The following DNM1L variants were observed in gnomAD, a reference collection of about 807,000 sequenced individuals.
The protein encoded by DNM1L is dynamin 1L, also known as dynamin-1-like protein.
DNM1L carries 33 observed loss-of-function variants against 92.8 expected under a neutral mutation model. The observed-to-expected ratio is 0.36, with a 90% CI of 0.27 to 0.48. The LOEUF is 0.48. DNM1L is among the 20% of genes least tolerant of loss of function. The pLI is 0.99. For synonymous variants in DNM1L, 284 were observed against 305.0 expected, an observed-to-expected ratio of 0.93 and a Z score of 0.72; for missense variants, 485 against 888.8, an observed-to-expected ratio of 0.55 and a Z score of 5.78.
rs78089229 is a variant in DNM1L at position 32,683,406 on chromosome 12, C to T, written c.102+3941C>T. Among the ~76,000 whole-genome samples the T allele has an allele frequency of 4.6e-3, 689 of 150,784 alleles. 2 individuals are homozygous for T. Among genetic ancestry groups the T allele is most frequent in the Non-Finnish European group, 7.6e-3 (512 of 67,788 alleles). On this transcript the variant is annotated intron_variant, in intron 1 of 19. Transcript: ENST00000549701. ...TAATTTTTTTTTTTAAATTTAAAAT[C>T]GCTGCCTTACTATGTTGCCAAGGCT...
At chr12:32,691,240 C>G (rs78348093) in intron 1 of DNM1L, among the ~76,000 whole-genome samples, 3 of 151,964 alleles carry the variant, frequency 2.0e-5, no homozygotes, top group Non-Finnish European at 4.4e-5. Context: ...CCCAGCACCC[C>G]AGTAGCCTTG....
rs1955499906 is a variant in DNM1L at position 32,744,140 on chromosome 12, C to G, written c.*730C>G. ...TCCTACATTAAAAACAGCCATCTACCCTTGATTATCTAGAAAGACTTGGTA... is the reference window on the plus strand; with the variant it reads ...TCCTACATTAAAAACAGCCATCTACGCTTGATTATCTAGAAAGACTTGGTA... On this transcript the variant is annotated 3_prime_UTR_variant, in exon 20 of 20. Transcript: ENST00000549701. The G allele has an allele frequency of 6.6e-6, 1 of 152,210 alleles. No homozygotes were observed. Among genetic ancestry groups the G allele is most frequent in the Admixed American group, 6.5e-5 (1 of 15,282 alleles). The allele number at this position is 152,210 out of a possible 1,614,324, so 9.4% of individuals were successfully genotyped here.
In DNM1L at chr12:32,731,783, G is replaced by A; in HGVS notation, c.1357-71G>A. 3 of 1,301,060 alleles carry A rather than the reference G, an allele frequency of 2.3e-6. 1 individual carries two copies. The highest frequency in any genetic ancestry group is 2.4e-5 in the South Asian group (2 of 83,144). 80.6% of individuals were successfully genotyped at this position (1,301,060 alleles called of 1,614,324 possible). Reference sequence around the variant, plus strand: ...ACTTGGGAGGCTAAGGTGGGAGGATGGCTTAGTGAGACTATGACTTAAAAA... The same window carrying A: ...ACTTGGGAGGCTAAGGTGGGAGGATAGCTTAGTGAGACTATGACTTAAAAA... On this transcript the variant is annotated intron_variant, in intron 11 of 19. Transcript: ENST00000549701. The surrounding 1 kb of genome is among the most constrained non-coding windows in gnomAD (Gnocchi z 5.1).
rs1393985351 is a variant in DNM1L at position 32,703,262 on chromosome 12, C to T, written c.250+1700C>T. Among the ~76,000 whole-genome samples, 7 of 152,084 alleles carry T rather than the reference C, an allele frequency of 4.6e-5. No individual in the cohort carries two copies. The East Asian group carries it at 1.2e-3, about 25-fold the overall frequency. On this transcript the variant is annotated intron_variant, in intron 2 of 19. Coordinates refer to ENST00000549701, the MANE Select transcript of DNM1L (RefSeq NM_012062.5). Reference sequence around the variant, plus strand: ...TGTCCACTATGTTTTGTTGATGTCTCCTCTTAGTGGTTGGTCAGTAAATCT... The same window carrying T: ...TGTCCACTATGTTTTGTTGATGTCTTCTCTTAGTGGTTGGTCAGTAAATCT...
intron 1 of DNM1L, among the ~76,000 whole-genome samples, chr12:32,686,654 C>T (rs1952024632): frequency 6.6e-6 from 1 of 152,096 alleles, no homozygotes; most frequent in Non-Finnish European, 1.5e-5. Context: ...TGGTATATAC[C>T]TAGGAGTAAA....
chr12:32,736,181 C>T lies in DNM1L; in HGVS notation c.1540-924C>T, dbSNP rs1257241022. Among the ~76,000 whole-genome samples, 4 of 150,622 alleles carry T rather than the reference C, an allele frequency of 2.7e-5. No individual in the cohort carries two copies. In the East Asian group the frequency reaches 8.0e-4, roughly 30 times the overall value. On this transcript the variant is annotated intron_variant, in intron 13 of 19. Coordinates refer to ENST00000549701, the MANE Select transcript of DNM1L (RefSeq NM_012062.5). Reference sequence around the variant, plus strand: ...CTGCCTCCTGGGTTCAAGCAGTTCTCCTGCCGCAGCCTCCTGAGTAGCTGG... The same window carrying T: ...CTGCCTCCTGGGTTCAAGCAGTTCTTCTGCCGCAGCCTCCTGAGTAGCTGG...
chr12:32,733,895 T>C, intron 13 of DNM1L, 88 bp downstream of exon 13: 1 of 1,149,074 alleles, frequency 8.7e-7, no homozygotes, highest in Admixed American at 1.7e-5. Flanking sequence ...GGAGTAACTA[T>C]AAAATAGACA....
chr12:32,711,840 A>G (rs1484142908), intron 5 of DNM1L, among the ~76,000 whole-genome samples: 1 of 152,148 alleles, frequency 6.6e-6, no homozygotes, highest in Admixed American at 6.5e-5. Context: ...CTATGATTGC[A>G]TCACTGCACT....
chr12:32,714,335 C>T (rs936567869), intron 6 of DNM1L, among the ~76,000 whole-genome samples: 28 of 147,154 alleles, frequency 1.9e-4, no homozygotes, highest in South Asian at 4.4e-4. Context: ...TGCAGTGGCG[C>T]GATCTCGGTT....
Position 32,744,520 on chromosome 12 carries a change from C to T in DNM1L, c.*1110C>T, listed in dbSNP as rs577187781. Reference sequence around the variant, plus strand: ...CCTGAGGTTGGGAGTTGGAGACCAGCTTGACCAACATGGAGAAACCCCGTC... The same window carrying T: ...CCTGAGGTTGGGAGTTGGAGACCAGTTTGACCAACATGGAGAAACCCCGTC... On this transcript the variant is annotated 3_prime_UTR_variant, in exon 20 of 20. Transcript: ENST00000549701. The T allele has an allele frequency of 2.9e-4, 54 of 185,300 alleles. No homozygotes were observed. Among genetic ancestry groups the T allele is most frequent in the Admixed American group, 1.4e-3 (22 of 16,180 alleles). 11.5% of individuals were successfully genotyped at this position (185,300 alleles called of 1,614,324 possible). A position where few individuals can be genotyped will look rare whatever the true frequency, so the allele number is the denominator to read the frequency against.
rs1231273746 is a variant in DNM1L, at chr12:32,717,357, G to GTATATATAATATATATAC, written c.620-1270_620-1253dup. On this transcript the variant is annotated intron_variant, in intron 6 of 19. Coordinates refer to ENST00000549701, the MANE Select transcript of DNM1L (RefSeq NM_012062.5). ...TTATATATACTATATATTATATATA[G>GTATATATAATATATATAC]TATATATAATATATATACTATATAT... 5.5e-3 allele frequency among the ~76,000 whole-genome samples: 301 copies of GTATATATAATATATATAC among 54,916 alleles called. 3 individuals are homozygous for GTATATATAATATATATAC. The highest frequency in any genetic ancestry group is 8.2e-3 in the Non-Finnish European group (254 of 30,956). 36.0% of individuals were successfully genotyped at this position (54,916 alleles called of 152,430 possible). A position where few individuals can be genotyped will look rare whatever the true frequency, so the allele number is the denominator to read the frequency against.
At chr12:32,691,558 T>TA in intron 1 of DNM1L, among the ~76,000 whole-genome samples, 1 of 152,160 alleles carries the variant, frequency 6.6e-6, no homozygotes, top group Non-Finnish European at 1.5e-5. Flanking sequence ...TGTTTTAACT[T>TA]AATCGCCTCT....
chr12:32,680,403 A>G (rs1364768782), intron 1 of DNM1L, among the ~76,000 whole-genome samples: 3 of 152,206 alleles, frequency 2.0e-5, no homozygotes, highest in Non-Finnish European at 4.4e-5. Context: ...CGGTTTCCCC[A>G]TCATTTTCCA....
intron 5 of DNM1L, 143 bp from the exon 6 acceptor site, chr12:32,713,066 C>A: frequency 1.3e-6 from 1 of 763,300 alleles, no homozygotes; most frequent in South Asian, 2.0e-5. Context: ...TTCATAAATA[C>A]CATTGTAGTA....
rs1383354605 is a variant in DNM1L, at chr12:32,731,797, A to G, written c.1357-57A>G. The G allele has an allele frequency of 2.8e-6, 4 of 1,452,692 alleles. No individual in the cohort carries two copies. Among genetic ancestry groups the G allele is most frequent in the Admixed American group, 3.4e-5 (2 of 59,286 alleles). The allele number at this position is 1,452,692 out of a possible 1,614,324, so 90.0% of individuals were successfully genotyped here. A position where few individuals can be genotyped will look rare whatever the true frequency, so the allele number is the denominator to read the frequency against. On this transcript the variant is annotated intron_variant, in intron 11 of 19. Coordinates refer to ENST00000549701, the MANE Select transcript of DNM1L (RefSeq NM_012062.5). The surrounding 1 kb of genome is among the most constrained non-coding windows in gnomAD (Gnocchi z 5.1). ...GGTGGGAGGATGGCTTAGTGAGACT[A>G]TGACTTAAAAAAAAAACAAAAAACA...
At chr12:32,741,400 C>T (rs1236081631) in intron 18 of DNM1L, among the ~76,000 whole-genome samples, 1 of 152,190 alleles carries the variant, frequency 6.6e-6, no homozygotes, top group Non-Finnish European at 1.5e-5. Context: ...ATTCTCCTGC[C>T]TCAGCCTCCT....
chr12:32,717,073 G>GTA (rs965254767), intron 6 of DNM1L, among the ~76,000 whole-genome samples: 13 of 122,856 alleles, frequency 1.1e-4, no homozygotes, highest in South Asian at 2.4e-4. Flanking sequence ...ATATACATAG[G>GTA]TATATATATA....
chr12:32,730,308 A>G (rs1316769275), intron 9 of DNM1L, among the ~76,000 whole-genome samples: 7 of 152,202 alleles, frequency 4.6e-5, no homozygotes, highest in Admixed American at 3.9e-4. Context: ...AGGTTGCAGT[A>G]AGCCAAGAGC....
Position 32,719,212 on chromosome 12 carries a change from G to C in DNM1L, c.740+449G>C, listed in dbSNP as rs1449035489. On this transcript the variant is annotated intron_variant, in intron 7 of 19. Coordinates refer to ENST00000549701, the MANE Select transcript of DNM1L (RefSeq NM_012062.5). ...GCAATCCTCCAACCTTGGTTTCCCA[G>C]GTGCTGGGATTACAGGCATGAGCCA... Among the ~76,000 whole-genome samples the C allele has an allele frequency of 2.0e-5, 3 of 152,112 alleles. No homozygotes were observed. In the South Asian group the frequency reaches 6.2e-4, roughly 31 times the overall value.
Sources: gnomAD v4.1 joint callset for allele counts (sites outside exome capture counted in the v4.1 genomes callset) on GRCh38, gnomAD v4.1.1 for gene constraint, Gnocchi (gnomAD v3.1) non-coding constraint, MANE v1.5 for transcripts, NCBI Gene and HGNC (gene_info 2026-07-23, HGNC 2026-07-21) for gene names.